Variants in PTPN5 observed in about 807,000 individuals in gnomAD.
The protein encoded by PTPN5 is protein tyrosine phosphatase non-receptor type 5.
A neutral mutation model predicts 73.9 loss-of-function variants in PTPN5; 29 were observed. The observed-to-expected ratio is 0.39, with a 90% CI of 0.29 to 0.54. PTPN5 has a LOEUF of 0.54. Among genes scored for constraint, PTPN5 ranks in the 20% least tolerant of loss-of-function variants. The pLI is 0.65. For missense variants in PTPN5, 652 were observed against 751.4 expected (o/e 0.87, Z 1.55); for synonymous variants, 267 against 304.7 (o/e 0.88, Z 1.29).
rs1198511872 is a variant in PTPN5, at chr11:18,728,290, GC to G, written c.*643del. On this transcript the variant is annotated 3_prime_UTR_variant, in exon 15 of 15. Coordinates refer to ENST00000358540, the MANE Select transcript of PTPN5 (RefSeq NM_006906.2). The surrounding 1 kb of genome is among the most constrained non-coding windows in gnomAD (Gnocchi z 4.1). Reference sequence around the variant, plus strand: ...CCTCTGGGTTCTCCATGCCCCATCTGCCCCCTACCTTGCCAGTGCCTCACAG... The same window carrying G: ...CCTCTGGGTTCTCCATGCCCCATCTGCCCCTACCTTGCCAGTGCCTCACAG... The G allele has an allele frequency of 6.6e-6, 1 of 152,282 alleles. No individual in the cohort carries two copies. Among genetic ancestry groups the G allele is most frequent in the Non-Finnish European group, 1.5e-5 (1 of 68,124 alleles). 9.4% of individuals were successfully genotyped at this position (152,282 alleles called of 1,614,324 possible). A position where few individuals can be genotyped will look rare whatever the true frequency, so the allele number is the denominator to read the frequency against.
intron 2 of PTPN5, 150 bp downstream of exon 2, chr11:18,771,788 AG>A: frequency 3.0e-6 from 2 of 674,374 alleles, no homozygotes; most frequent in Non-Finnish European, 2.6e-6. Flanking sequence ...TTCAGCAGGC[AG>A]GGGCAGAGGG....
chr11:18,740,473 A>C, intron 8 of PTPN5, 130 bp downstream of exon 8: 31 of 781,138 alleles, frequency 4.0e-5, no homozygotes, highest in Non-Finnish European at 5.0e-5. Flanking sequence ...AGATGGTGGG[A>C]GAGCTGATAA....
Position 18,742,895 on chromosome 11 carries a change from G to A in PTPN5, c.483+97C>T. 1 of 860,142 alleles carries A rather than the reference G, an allele frequency of 1.2e-6. No homozygotes were observed. The highest frequency in any genetic ancestry group is 1.5e-5 in the South Asian group (1 of 65,388). 53.3% of individuals were successfully genotyped at this position (860,142 alleles called of 1,614,324 possible). On this transcript the variant is annotated intron_variant, in intron 6 of 14. Transcript: ENST00000358540. The surrounding 1 kb of genome is among the most constrained non-coding windows in gnomAD (Gnocchi z 4.1). Reference sequence around the variant, plus strand: ...TAGGTATCCCTCCTTGCCCCACCCAGAATGTCCAGCCTATAAGTCAGATGG... The same window carrying A: ...TAGGTATCCCTCCTTGCCCCACCCAAAATGTCCAGCCTATAAGTCAGATGG...
In PTPN5 at chr11:18,742,328, A is replaced by G. The variant is rs1849401023; in HGVS notation, c.659T>C (p.Val220Ala). The G allele has an allele frequency of 1.2e-6, 2 of 1,614,116 alleles. No homozygotes were observed. Among genetic ancestry groups the G allele is most frequent in the Non-Finnish European group, 1.7e-6 (2 of 1,180,020 alleles). Residue 220 changes from valine to alanine, a missense_variant, in exon 7 of 15, where the codon GTG (valine) becomes GCG (alanine). Val to Ala is a moderately conservative substitution (Grantham distance 64). Around this residue, in one of 3 missense-constraint regions of PTPN5, gnomAD observed 529 missense variants for 573.9 expected, o/e 0.92. Coordinates refer to ENST00000358540, the MANE Select transcript of PTPN5 (RefSeq NM_006906.2). This position sits in a 1 kb window ranked among gnomAD's most constrained non-coding sequence, Gnocchi z 4.1. Reference sequence around the variant, plus strand: ...GTCAGCCTCAGGCTTGATGTCCATCACACAATCAAACACAGGAGTCTCGGG... The same window carrying G: ...GTCAGCCTCAGGCTTGATGTCCATCGCACAATCAAACACAGGAGTCTCGGG... ...PVPETPVFDC[V>A]MDIKPEADPT...
chr11:18,739,719 C>T (rs1378706131), intron 8 of PTPN5, among the ~76,000 whole-genome samples: 1 of 152,198 alleles, frequency 6.6e-6, no homozygotes, highest in East Asian at 1.9e-4. Context: ...GAGGAACTCA[C>T]CCCAGATACT....
intron 1 of PTPN5, among the ~76,000 whole-genome samples, chr11:18,782,067 C>T (rs573252867): frequency 7.9e-5 from 12 of 152,356 alleles, no homozygotes; most frequent in African/African-American, 2.6e-4. Context: ...CAGCAGACGG[C>T]TTCATGAATC....
Position 18,788,599 on chromosome 11 carries a change from C to T in PTPN5, c.-114+2926G>A, listed in dbSNP as rs184926364. On this transcript the variant is annotated intron_variant, in intron 1 of 14. Transcript: ENST00000358540. ...ACAAATCATTCACCCAGTTTAAATG[C>T]TACTTGGCTTCTCCAAGAAGCCGTT... 4.6e-5 allele frequency among the ~76,000 whole-genome samples: 7 copies of T among 152,340 alleles called. No homozygotes were observed. The East Asian group carries it at 9.6e-4, about 21-fold the overall frequency.
At chr11:18,752,155 T>C (rs941434489) in intron 3 of PTPN5, among the ~76,000 whole-genome samples, 2 of 152,182 alleles carry the variant, frequency 1.3e-5, no homozygotes, top group African/African-American at 4.8e-5. Context: ...TGCTTGAACC[T>C]GGGAGGCAGA....
At chr11:18,784,257 T>C (rs1851571240) in intron 1 of PTPN5, among the ~76,000 whole-genome samples, 1 of 151,560 alleles carries the variant, frequency 6.6e-6, no homozygotes. Context: ...AGCCAAAAGG[T>C]GGAAACAGAT....
Position 18,742,204 on chromosome 11 carries a change from G to A in PTPN5, c.725+58C>T. 6.2e-7 allele frequency: 1 copy of A among 1,603,360 alleles called. No homozygotes were observed. The highest frequency in any genetic ancestry group is 8.5e-7 in the Non-Finnish European group (1 of 1,174,088). ...GTCAGAGTCAGGCATCCACTCTTCT[G>A]ATCAGGAGCTAAGAGCTCAAGGGCC... On this transcript the variant is annotated intron_variant, in intron 7 of 14. Transcript: ENST00000358540. This position sits in a 1 kb window ranked among gnomAD's most constrained non-coding sequence, Gnocchi z 4.1.
rs531179586 is a variant in PTPN5, at chr11:18,740,243, G to A, written c.915+360C>T. Among the ~76,000 whole-genome samples the A allele has an allele frequency of 9.2e-5, 14 of 152,154 alleles. No homozygotes were observed. In the South Asian group the frequency reaches 2.9e-3, roughly 31 times the overall value. Reference sequence around the variant, plus strand: ...GGCAGAAGAACAATGCTCGGCAGGAGGAAAGTGGGAAAACAGAAGAGTTAG... The same window carrying A: ...GGCAGAAGAACAATGCTCGGCAGGAAGAAAGTGGGAAAACAGAAGAGTTAG... On this transcript the variant is annotated intron_variant, in intron 8 of 14. Transcript: ENST00000358540.
chr11:18,766,141 T>G (rs947785212), intron 2 of PTPN5, among the ~76,000 whole-genome samples: 5 of 152,026 alleles, frequency 3.3e-5, no homozygotes, highest in African/African-American at 1.2e-4. Flanking sequence ...ATCACCATCA[T>G]CATCACCTCT....
At chr11:18,778,071 C>T (rs955894523) in intron 1 of PTPN5, among the ~76,000 whole-genome samples, 1 of 152,108 alleles carries the variant, frequency 6.6e-6, no homozygotes, top group African/African-American at 2.4e-5. Context: ...TGTAAATGCT[C>T]CCACCATGGC....
intron 3 of PTPN5, among the ~76,000 whole-genome samples, chr11:18,756,747 C>T (rs990344561): frequency 1.3e-5 from 2 of 151,774 alleles, no homozygotes; most frequent in African/African-American, 4.8e-5. Flanking sequence ...ACGGTGAAAC[C>T]CCGTCTCTAC....
At chr11:18,759,227 G>A (rs540290780) in intron 3 of PTPN5, among the ~76,000 whole-genome samples, 23 of 152,254 alleles carry the variant, frequency 1.5e-4, no homozygotes, top group Middle Eastern at 3.4e-3. Context: ...AACCATCACC[G>A]TCACTATTAG....
chr11:18,729,797 G>C lies in PTPN5; in HGVS notation c.1351C>G (p.Leu451Val), dbSNP rs1228230430. The change falls in exon 13 of 15, where the codon CTG becomes GTG. Residue 451 changes from leucine (L) to valine (V), a missense_variant. Leu to Val is a conservative substitution (Grantham distance 32). Around this residue, in one of 3 missense-constraint regions of PTPN5, gnomAD observed 102 missense variants for 160.5 expected, o/e 0.64. Transcript: ENST00000358540. This position sits in a 1 kb window ranked among gnomAD's most constrained non-coding sequence, Gnocchi z 5.2. Reference sequence around the variant, plus strand: ...CAGGATGTGAACCAGTAATGCTTCAGGCCTCGCTCCTCAGTCCCACTCTGT... The same window carrying C: ...CAGGATGTGAACCAGTAATGCTTCACGCCTCGCTCCTCAGTCCCACTCTGT... Reference protein sequence around the residue: ...SLKSGTEERGLKHYWFTSWPD... With the variant: ...SLKSGTEERGVKHYWFTSWPD... The C allele has an allele frequency of 6.2e-7, 1 of 1,613,920 alleles. No homozygotes were observed. The highest frequency in any genetic ancestry group is 8.5e-7 in the Non-Finnish European group (1 of 1,179,862).
chr11:18,781,289 T>C (rs902169092), intron 1 of PTPN5, among the ~76,000 whole-genome samples: 3 of 150,526 alleles, frequency 2.0e-5, no homozygotes, highest in Non-Finnish European at 4.4e-5. Flanking sequence ...ATTTATCATC[T>C]GTAGCCAGAG....
intron 2 of PTPN5, among the ~76,000 whole-genome samples, chr11:18,771,293 C>T (rs538783428): frequency 4.6e-5 from 7 of 152,318 alleles, no homozygotes; most frequent in South Asian, 2.1e-4. Flanking sequence ...TTCCTCCCTT[C>T]GAGCCTTGTT....
chr11:18,746,197 T>TATATATATACACA (rs1849630398), intron 3 of PTPN5, among the ~76,000 whole-genome samples: 1 of 51,744 alleles, frequency 1.9e-5, no homozygotes, highest in Non-Finnish European at 5.5e-5. Flanking sequence ...ATATATACAT[T>TATATATATACACA]TTTTTTTTTT....
Sources: allele counts gnomAD v4.1 joint callset (sites outside exome capture counted in the v4.1 genomes callset), GRCh38; gene constraint gnomAD v4.1.1; regional missense constraint gnomAD v4.1.1; non-coding constraint Gnocchi (gnomAD v3.1); transcripts MANE v1.5; gene names NCBI Gene and HGNC (gene_info 2026-07-23, HGNC 2026-07-21).